CELF1: variants seen among roughly 807,000 people sequenced by gnomAD.
CELF1 encodes the protein 50 kDa nuclear polyadenylated RNA-binding protein.
Under a neutral mutation model 61.8 loss-of-function variants are expected in CELF1, and 10 were observed. That is an observed-to-expected ratio of 0.16 (90% CI 0.10 to 0.27). CELF1 has a LOEUF of 0.27. Ranked by LOEUF, CELF1 falls within the 10% of genes least tolerant of loss-of-function variation. CELF1 has a pLI of 1.00. For synonymous variants in CELF1, 236 were observed against 225.1 expected, an observed-to-expected ratio of 1.05 and a Z score of -0.43; for missense variants, 380 against 639.1, an observed-to-expected ratio of 0.59 and a Z score of 4.37.
rs558304952 is a variant in CELF1 at position 47,495,593 on chromosome 11, C to T, written c.71+3860G>A. Among the ~76,000 whole-genome samples the T allele has an allele frequency of 5.3e-5, 8 of 152,030 alleles. No homozygotes were observed. The South Asian group carries it at 8.3e-4, about 16-fold the overall frequency. On this transcript the variant is annotated intron_variant, in intron 3 of 14. Coordinates refer to ENST00000687097, the MANE Select transcript of CELF1 (RefSeq NM_001376376.1). ...ATGTGAAGGGGAGGGAGAAGGGATC[C>T]GAAGAAAAGTCATGTTGCAACCAAA...
chr11:47,552,963 G>A, intron 1 of CELF1, 29 bp downstream of exon 1: 1 of 397,800 alleles, frequency 2.5e-6, no homozygotes, highest in Non-Finnish European at 4.4e-6. Flanking sequence ...CCCTCCCGCG[G>A]CCCGTTATCC....
intron 3 of CELF1, among the ~76,000 whole-genome samples, chr11:47,491,636 CTCCAACAGTACTAAATT>C (rs1202918233): frequency 6.6e-6 from 1 of 152,176 alleles, no homozygotes; most frequent in Non-Finnish European, 1.5e-5. Flanking sequence ...AATCCTAGGA[CTCCAACAGTACTAAATT>C]TCCACCTTCG....
Position 47,477,285 on chromosome 11 carries a change from C to T in CELF1, c.973+12G>A. The T allele has an allele frequency of 1.2e-6, 2 of 1,613,960 alleles. No individual in the cohort carries two copies. Among genetic ancestry groups the T allele is most frequent in the South Asian group, 2.2e-5 (2 of 91,060 alleles). Reference sequence around the variant, plus strand: ...GGCACATAATGGCACACTGGGTCATCCTCATGCTTACCTGAACTAGTGAGC... The same window carrying T: ...GGCACATAATGGCACACTGGGTCATTCTCATGCTTACCTGAACTAGTGAGC... On this transcript the variant is annotated intron_variant, in intron 11 of 14. Coordinates refer to ENST00000687097, the MANE Select transcript of CELF1 (RefSeq NM_001376376.1).
At chr11:47,550,307 G>A (rs1048276280) in intron 1 of CELF1, among the ~76,000 whole-genome samples, 6 of 151,810 alleles carry the variant, frequency 4.0e-5, no homozygotes, top group Non-Finnish European at 8.8e-5. Flanking sequence ...GAGGTGGGCA[G>A]ATCACCTGAG....
chr11:47,524,053 A>G (rs552045419), intron 1 of CELF1: 3 of 152,314 alleles, frequency 2.0e-5, no homozygotes, highest in South Asian at 2.1e-4. Context: ...CAAACAGCGC[A>G]AACAGCATAG....
intron 2 of CELF1, among the ~76,000 whole-genome samples, chr11:47,561,260 C>T (rs894313399): frequency 9.4e-5 from 14 of 149,304 alleles, no homozygotes; most frequent in Non-Finnish European, 1.8e-4. Flanking sequence ...CTGGCTAACA[C>T]GGAGAAACCC....
In CELF1 at chr11:47,535,338, T is replaced by C. The variant is rs571274560; in HGVS notation, c.-154+17654A>G. ...AAAATGGTTCTATGGAGATAAGATA[T>C]ACCATTAACTACCGTAGGCAATAGT... On this transcript the variant is annotated intron_variant, in intron 1 of 14. Transcript: ENST00000687097. Among the ~76,000 whole-genome samples the C allele has an allele frequency of 4.6e-5, 7 of 152,098 alleles. No individual in the cohort carries two copies. In the East Asian group the frequency reaches 1.4e-3, roughly 29 times the overall value.
chr11:47,536,578 A>G (rs1432266320), intron 1 of CELF1, among the ~76,000 whole-genome samples: 1 of 152,106 alleles, frequency 6.6e-6, no homozygotes, highest in Non-Finnish European at 1.5e-5. Context: ...CCTAGCCAAC[A>G]TGGCGAAAAC....
At chr11:47,513,890 A>G (rs2095395995) in intron 1 of CELF1, 1 of 151,340 alleles carries the variant, frequency 6.6e-6, no homozygotes, top group Non-Finnish European at 1.5e-5. Flanking sequence ...TCTTCCATGC[A>G]TACAATAAAA....
rs11315630 is a variant in CELF1 at position 47,545,915 on chromosome 11, ATTT to A, written c.-154+7074_-154+7076del. Among the ~76,000 whole-genome samples, 299 of 135,910 alleles carry A rather than the reference ATTT, an allele frequency of 2.2e-3. 8 individuals carry two copies. Among genetic ancestry groups the A allele is most frequent in the Admixed American group, 0.012 (161 of 13,182 alleles). The allele number at this position is 135,910 out of a possible 152,430, so 89.2% of individuals were successfully genotyped here. ...TGTGTGTGTGTGTGTGTATATATAT[ATTT>A]TTTTTTTTTTGAGATGGAGTCTCCC... On this transcript the variant is annotated intron_variant, in intron 1 of 14. Coordinates refer to ENST00000687097, the MANE Select transcript of CELF1 (RefSeq NM_001376376.1).
At chr11:47,541,757 CGAA>C (rs1565904676) in intron 1 of CELF1, among the ~76,000 whole-genome samples, 1,694 of 11,748 alleles carry the variant, frequency 0.14, 372 homozygotes, top group African/African-American at 0.26. Flanking sequence ...AAAGAAAGAA[CGAA>C]AGAAAGAACG....
intron 1 of CELF1, among the ~76,000 whole-genome samples, chr11:47,508,372 C>G (rs917489361): frequency 6.6e-6 from 1 of 151,914 alleles, no homozygotes; most frequent in Non-Finnish European, 1.5e-5. Flanking sequence ...CCCTCTGAGA[C>G]GAGACTCAGA....
At position 47,466,772 on chromosome 11, in the gene CELF1, TATTGGCAAACAC is replaced by T. The variant is rs2076742912; in HGVS notation, c.*5446_*5457del. 6.6e-6 allele frequency: 1 copy of T among 152,198 alleles called. No individual in the cohort carries two copies. Among genetic ancestry groups the T allele is most frequent in the Non-Finnish European group, 1.5e-5 (1 of 68,038 alleles). The allele number at this position is 152,198 out of a possible 1,614,324, so 9.4% of individuals were successfully genotyped here. On this transcript the variant is annotated 3_prime_UTR_variant, in exon 15 of 15. Transcript: ENST00000687097. ...TCCTCTTGGAATTGAAAGCAAAATA[TATTGGCAAACAC>T]TGCTTCTCAATACACAGGAAGGGGA...
chr11:47,551,064 G>C (rs1448405136), intron 1 of CELF1, among the ~76,000 whole-genome samples: 4 of 151,722 alleles, frequency 2.6e-5, no homozygotes. Context: ...CATAACCTTG[G>C]GCAAGTAAGT....
Position 47,472,124 on chromosome 11 carries a change from G to C in CELF1, c.*106C>G. On this transcript the variant is annotated 3_prime_UTR_variant, in exon 15 of 15. Coordinates refer to ENST00000687097, the MANE Select transcript of CELF1 (RefSeq NM_001376376.1). ...GTGCCTGCGAGAGTGGCAGGGATCA[G>C]GGTCCAGGGCTGTCAACACACAGCC... 1 of 1,351,966 alleles carries C rather than the reference G, an allele frequency of 7.4e-7. No homozygotes were observed. The allele number at this position is 1,351,966 out of a possible 1,614,324, so 83.7% of individuals were successfully genotyped here. A position where few individuals can be genotyped will look rare whatever the true frequency, so the allele number is the denominator to read the frequency against.
chr11:47,545,458 T>C (rs982743551), intron 1 of CELF1, among the ~76,000 whole-genome samples: 1 of 151,862 alleles, frequency 6.6e-6, no homozygotes, highest in African/African-American at 2.4e-5. Flanking sequence ...CTGACCTTCA[T>C]TCAGAACCAT....
chr11:47,534,313 A>C (rs2096575550), intron 1 of CELF1, among the ~76,000 whole-genome samples: 2 of 150,918 alleles, frequency 1.3e-5, no homozygotes, highest in African/African-American at 4.9e-5. Flanking sequence ...TACAGGCATG[A>C]GCCACGGCGC....
chr11:47,508,569 TA>T (rs10547247), intron 1 of CELF1, among the ~76,000 whole-genome samples: 2,135 of 138,468 alleles, frequency 0.015, 34 homozygotes, highest in African/African-American at 0.041. Context: ...TGAATTTCTT[TA>T]AAAAAAAAAA....
At chr11:47,499,697 G>C in intron 2 of CELF1, 93 bp from the exon 3 acceptor site, 1 of 598,804 alleles carries the variant, frequency 1.7e-6, no homozygotes, top group Non-Finnish European at 3.0e-6. Context: ...GAAGGGGTAG[G>C]GAAAGGGAGT....
Sources: allele counts gnomAD v4.1 joint callset (sites outside exome capture counted in the v4.1 genomes callset), GRCh38; gene constraint gnomAD v4.1.1; transcripts MANE v1.5; gene names NCBI Gene and HGNC (gene_info 2026-07-23, HGNC 2026-07-21).